Variants in SORL1 observed in about 807,000 individuals in gnomAD.
SORL1 encodes the protein sortilin related receptor 1, also known as sortilin-related receptor.
SORL1 carries 127 observed loss-of-function variants against 273.7 expected under a neutral mutation model. The ratio of observed to expected loss-of-function variants is 0.46; its 90% CI spans 0.40 to 0.54. The LOEUF is 0.54. Ranked by LOEUF, SORL1 falls within the 20% of genes least tolerant of loss-of-function variation. The pLI is 0.00. For synonymous variants in SORL1, 1,031 were observed against 1,067.4 expected, an observed-to-expected ratio of 0.97 and a Z score of 0.66; for missense variants, 2,494 against 2,846.1, an observed-to-expected ratio of 0.88 and a Z score of 2.81.
intron 3 of SORL1, among the ~76,000 whole-genome samples, chr11:121,480,541 TCTC>T (rs892459990): frequency 6.6e-6 from 1 of 151,986 alleles, no homozygotes; most frequent in African/African-American, 2.4e-5. Flanking sequence ...TTCAGCTTCA[TCTC>T]CTCCTCCTCA....
At chr11:121,592,176 G>A (rs964590775) in intron 31 of SORL1, among the ~76,000 whole-genome samples, 9 of 152,174 alleles carry the variant, frequency 5.9e-5, no homozygotes, top group African/African-American at 9.7e-5. Flanking sequence ...TTTGCCCTCA[G>A]CAGGAACTCC....
intron 25 of SORL1, 28 bp downstream of exon 25, chr11:121,577,428 G>C (rs1244375574): frequency 6.4e-7 from 1 of 1,554,060 alleles, no homozygotes; most frequent in East Asian, 2.3e-5. Flanking sequence ...TCAGTTGACA[G>C]CACTCATCCG....
chr11:121,588,503 G>A (rs576295108), intron 28 of SORL1, among the ~76,000 whole-genome samples: 7 of 152,250 alleles, frequency 4.6e-5, no homozygotes, highest in African/African-American at 7.2e-5. Flanking sequence ...CCAGCGTGCC[G>A]TAGCCCCTTA....
At chr11:121,579,326 T>C (rs1862980607) in intron 25 of SORL1, among the ~76,000 whole-genome samples, 1 of 152,202 alleles carries the variant, frequency 6.6e-6, no homozygotes, top group Non-Finnish European at 1.5e-5. Context: ...TGGTGATGTG[T>C]GGCATGACAC....
chr11:121,531,883 T>C (rs964445703), intron 11 of SORL1, among the ~76,000 whole-genome samples: 2 of 152,246 alleles, frequency 1.3e-5, no homozygotes, highest in Non-Finnish European at 2.9e-5. Context: ...ATTGCAGTTT[T>C]AGCTGTGACT....
At chr11:121,510,958 A>T (rs571554094) in intron 6 of SORL1, among the ~76,000 whole-genome samples, 1 of 152,204 alleles carries the variant, frequency 6.6e-6, no homozygotes, top group Non-Finnish European at 1.5e-5. Flanking sequence ...AATAATAGTG[A>T]TAAAAAACAA....
chr11:121,514,754 C>T (rs1053813333), intron 8 of SORL1, among the ~76,000 whole-genome samples: 4 of 152,132 alleles, frequency 2.6e-5, no homozygotes, highest in African/African-American at 7.2e-5. Context: ...AAGAGATAAT[C>T]GGACGGTGTT....
intron 7 of SORL1, among the ~76,000 whole-genome samples, chr11:121,513,802 A>G (rs978975922): frequency 1.3e-5 from 2 of 152,238 alleles, no homozygotes; most frequent in African/African-American, 4.8e-5. Context: ...AGGAAAAATA[A>G]AGGGAAGTGC....
At chr11:121,539,869 T>C (rs1332991314) in intron 12 of SORL1, among the ~76,000 whole-genome samples, 1 of 152,174 alleles carries the variant, frequency 6.6e-6, no homozygotes, top group Non-Finnish European at 1.5e-5. Flanking sequence ...TATGATTATG[T>C]CTGCTATTAT....
At chr11:121,524,486 A>C (rs1389535747) in intron 11 of SORL1, among the ~76,000 whole-genome samples, 1 of 152,220 alleles carries the variant, frequency 6.6e-6, no homozygotes, top group African/African-American at 2.4e-5. Context: ...TAACTTGGGG[A>C]TGAAAAGATT....
At chr11:121,602,490 C>T (rs1863408681) in intron 32 of SORL1, among the ~76,000 whole-genome samples, 1 of 152,208 alleles carries the variant, frequency 6.6e-6, no homozygotes, top group East Asian at 1.9e-4. Flanking sequence ...ATCTTTTCAC[C>T]TCTAGGAAAA....
At position 121,586,239 on chromosome 11, in the gene SORL1, T is replaced by C; in HGVS notation, c.3724T>C (p.Phe1242Leu). ...PVNCEKKCNG[F>L]RCPNGTCIPS... ...TATTTCAGAGAAGAAGTGCAATGGA[T>C]TCCGCTGCCCAAACGGCACTTGCAT... is the stretch of plus-strand genomic sequence containing the variant. Residue 1242 changes from phenylalanine to leucine, a missense_variant, in exon 27 of 48, where the codon TTC becomes CTC. This residue lies in a region of SORL1 where 1,609 missense variants were observed against 1,816.4 expected (regional missense o/e 0.89). Transcript: ENST00000260197. 6.2e-7 allele frequency: 1 copy of C among 1,613,562 alleles called. No individual in the cohort carries two copies. The highest frequency in any genetic ancestry group is 8.5e-7 in the Non-Finnish European group (1 of 1,179,498).
intron 11 of SORL1, 142 bp downstream of exon 11, chr11:121,523,131 G>A: frequency 3.1e-6 from 2 of 636,794 alleles, no homozygotes; most frequent in East Asian, 2.7e-5. Context: ...AGTAAAGAAA[G>A]GTACCTGAAG....
chr11:121,459,841 A>G (rs1860966640), intron 1 of SORL1, among the ~76,000 whole-genome samples: 1 of 152,216 alleles, frequency 6.6e-6, no homozygotes, highest in South Asian at 2.1e-4. Flanking sequence ...TGGCATGAAG[A>G]CAAACACTAC....
At chr11:121,575,326 C>A (rs1273613018) in intron 24 of SORL1, among the ~76,000 whole-genome samples, 1 of 152,240 alleles carries the variant, frequency 6.6e-6, no homozygotes, top group Admixed American at 6.5e-5. Flanking sequence ...TAGTTGCTGA[C>A]CTCCGAAGGA....
intron 11 of SORL1, among the ~76,000 whole-genome samples, chr11:121,529,965 C>A (rs1364827432): frequency 1.3e-5 from 2 of 151,988 alleles, no homozygotes; most frequent in African/African-American, 4.8e-5. Context: ...GGGGGCTTAT[C>A]TATGTGTATT....
intron 11 of SORL1, among the ~76,000 whole-genome samples, chr11:121,529,134 A>G (rs1339740773): frequency 6.6e-6 from 1 of 152,016 alleles, no homozygotes; most frequent in Non-Finnish European, 1.5e-5. Context: ...ATCTCTCTTT[A>G]TCTATTGTAA....
chr11:121,598,191 G>A (rs533106295), intron 32 of SORL1, among the ~76,000 whole-genome samples: 27 of 152,170 alleles, frequency 1.8e-4, no homozygotes, highest in South Asian at 4.1e-4. Flanking sequence ...GGGGGGAATG[G>A]GTTATAGAAG....
chr11:121,632,122 A>G lies in SORL1; in HGVS notation c.*2559A>G, dbSNP rs1863885271. ...TACCTTGTTGGAGATGCCACCTCAGAAGTTCACACTGTGCAGGAAAAAGGT... is the reference window on the plus strand; with the variant it reads ...TACCTTGTTGGAGATGCCACCTCAGGAGTTCACACTGTGCAGGAAAAAGGT... On this transcript the variant is annotated 3_prime_UTR_variant, in exon 48 of 48. Transcript: ENST00000260197. 6.6e-6 allele frequency: 1 copy of G among 152,194 alleles called. No individual in the cohort carries two copies. Among genetic ancestry groups the G allele is most frequent in the South Asian group, 2.1e-4 (1 of 4,828 alleles). The allele number at this position is 152,194 out of a possible 1,614,324, so 9.4% of individuals were successfully genotyped here. A position where few individuals can be genotyped will look rare whatever the true frequency, so the allele number is the denominator to read the frequency against.
Sources: allele counts gnomAD v4.1 joint callset (sites outside exome capture counted in the v4.1 genomes callset), GRCh38; gene constraint gnomAD v4.1.1; regional missense constraint gnomAD v4.1.1; transcripts MANE v1.5; gene names NCBI Gene and HGNC (gene_info 2026-07-23, HGNC 2026-07-21).